Variants in RAB38 observed in about 807,000 individuals in gnomAD.
RAB38 encodes ras-related protein Rab-38.
Under a neutral mutation model 18.4 loss-of-function variants are expected in RAB38, and 15 were observed. That is an observed-to-expected ratio of 0.82 (90% CI 0.55 to 1.26). The LOEUF (loss-of-function observed/expected upper bound fraction) is 1.26. RAB38 is among the 50% of genes most tolerant of loss of function. The pLI, the probability that RAB38 is intolerant of heterozygous loss-of-function variation, is 0.00. For synonymous variants in RAB38, 101 were observed against 104.4 expected (o/e 0.97, Z 0.20); for missense variants, 294 against 267.4 (o/e 1.10, Z -0.69).
the RAB38 span, among the ~76,000 whole-genome samples, chr11:87,812,374 C>T: frequency 8.6e-5 from 13 of 152,016 alleles, no homozygotes; most frequent in Non-Finnish European, 1.5e-4. Flanking sequence ...GCTGAGTCCA[C>T]TTTCATCTTA....
the RAB38 span, among the ~76,000 whole-genome samples, chr11:88,031,735 C>G: frequency 1.3e-5 from 2 of 151,756 alleles, no homozygotes; most frequent in African/African-American, 4.8e-5. Context: ...AAAGAGGATA[C>G]AAACAAATGG....
intron 1 of RAB38, among the ~76,000 whole-genome samples, chr11:88,172,319 C>T (rs926330460): frequency 6.6e-6 from 1 of 152,204 alleles, no homozygotes; most frequent in African/African-American, 2.4e-5. Flanking sequence ...AGGCCTACTT[C>T]ACAAGACCCC....
At chr11:87,957,435 T>A in the RAB38 span, among the ~76,000 whole-genome samples, 5 of 152,042 alleles carry the variant, frequency 3.3e-5, no homozygotes, top group African/African-American at 1.2e-4. Context: ...CAGGGTTTTA[T>A]GTGACCCCCA....
the RAB38 span, among the ~76,000 whole-genome samples, chr11:88,021,848 C>T: frequency 1.4e-4 from 5 of 35,096 alleles, no homozygotes; most frequent in Admixed American, 2.0e-3. Context: ...AGCAAAACTC[C>T]ATCTCAAAAA....
the RAB38 span, among the ~76,000 whole-genome samples, chr11:87,850,717 C>CACAT: frequency 1.1e-5 from 1 of 88,824 alleles, no homozygotes; most frequent in Non-Finnish European, 2.2e-5. Context: ...AACACTGCCA[C>CACAT]ACACACACAC....
chr11:87,889,648 A>C, the RAB38 span, among the ~76,000 whole-genome samples: 1 of 151,926 alleles, frequency 6.6e-6, no homozygotes, highest in Non-Finnish European at 1.5e-5. Flanking sequence ...AAAGAAGCAC[A>C]CAGAAGCCAA....
the RAB38 span, among the ~76,000 whole-genome samples, chr11:88,012,224 A>C: frequency 6.6e-6 from 1 of 152,156 alleles, no homozygotes; most frequent in Non-Finnish European, 1.5e-5. Context: ...TCACACAGCC[A>C]CCAGAAGCTT....
the RAB38 span, among the ~76,000 whole-genome samples, chr11:87,928,608 C>T: frequency 6.6e-6 from 1 of 151,626 alleles, no homozygotes; most frequent in East Asian, 1.9e-4. Flanking sequence ...TAAAAAAATT[C>T]CACTGTTTGT....
intron 2 of RAB38, among the ~76,000 whole-genome samples, chr11:88,143,905 C>T (rs1176676083): frequency 1.3e-5 from 2 of 152,088 alleles, no homozygotes; most frequent in African/African-American, 4.8e-5. Context: ...ACGTAGGGAA[C>T]CTCTAGAGAA....
chr11:87,946,381 C>G, the RAB38 span, among the ~76,000 whole-genome samples: 1 of 151,982 alleles, frequency 6.6e-6, no homozygotes, highest in Admixed American at 6.6e-5. Flanking sequence ...TCTATGAGAG[C>G]CTCTAATTCC....
the RAB38 span, among the ~76,000 whole-genome samples, chr11:87,930,682 G>A: frequency 6.6e-6 from 1 of 152,070 alleles, no homozygotes; most frequent in Non-Finnish European, 1.5e-5. Flanking sequence ...TTTCTTCTAG[G>A]GTTTTAATGG....
At chr11:87,929,915 T>C in the RAB38 span, among the ~76,000 whole-genome samples, 2 of 152,142 alleles carry the variant, frequency 1.3e-5, no homozygotes, top group African/African-American at 4.8e-5. Flanking sequence ...TATGGCTGCA[T>C]AGTATTCCAT....
chr11:88,024,846 G>A, the RAB38 span, among the ~76,000 whole-genome samples: 1 of 152,022 alleles, frequency 6.6e-6, no homozygotes, highest in African/African-American at 2.4e-5. Flanking sequence ...ATAGAAGGAT[G>A]GTTGGCAGAG....
chr11:88,127,739 T>G (rs1942717646), intron 2 of RAB38, among the ~76,000 whole-genome samples: 1 of 152,210 alleles, frequency 6.6e-6, no homozygotes, highest in African/African-American at 2.4e-5. Context: ...TGATAAGGTA[T>G]TATCCTCTCT....
the RAB38 span, among the ~76,000 whole-genome samples, chr11:87,856,759 C>T: frequency 1.3e-5 from 2 of 152,024 alleles, no homozygotes; most frequent in African/African-American, 2.4e-5. Context: ...GATACATGCG[C>T]AGAATGTGAA....
At chr11:87,935,981 G>A in the RAB38 span, among the ~76,000 whole-genome samples, 1 of 152,008 alleles carries the variant, frequency 6.6e-6, no homozygotes, top group African/African-American at 2.4e-5. Context: ...TTGTGCCCAT[G>A]TTCTAATTGA....
the RAB38 span, among the ~76,000 whole-genome samples, chr11:87,948,253 G>C: frequency 6.6e-6 from 1 of 152,202 alleles, no homozygotes; most frequent in Non-Finnish European, 1.5e-5. Flanking sequence ...TTTGTATCCT[G>C]AGACTTTGCT....
At chr11:87,843,299 TG>T in the RAB38 span, among the ~76,000 whole-genome samples, 1 of 152,238 alleles carries the variant, frequency 6.6e-6, no homozygotes, top group African/African-American at 2.4e-5. Flanking sequence ...AGACTTTTAC[TG>T]GCTAATCTTC....
At chr11:87,937,022 T>G in the RAB38 span, among the ~76,000 whole-genome samples, 1 of 152,034 alleles carries the variant, frequency 6.6e-6, no homozygotes, top group African/African-American at 2.4e-5. Flanking sequence ...ATAAGAGTGG[T>G]TAGAATGGAT....
Sources: gnomAD v4.1 joint callset for allele counts (sites outside exome capture counted in the v4.1 genomes callset) on GRCh38, gnomAD v4.1.1 for gene constraint, MANE v1.5 for transcripts, NCBI Gene and HGNC (gene_info 2026-07-23, HGNC 2026-07-21) for gene names.